XRRA1: variants seen among roughly 807,000 people sequenced by gnomAD.
XRRA1 encodes the protein X-ray radiation resistance associated 1, also known as X-ray radiation resistance-associated protein 1.
In XRRA1, 69 loss-of-function variants were observed where a neutral mutation model predicts 80.2. The observed-to-expected ratio is 0.86, with a 90% confidence interval of 0.71 to 1.05. The LOEUF (loss-of-function observed/expected upper bound fraction) is 1.05, where lower values mean the gene tolerates loss of function less well. XRRA1 is among the 50% of genes least tolerant of loss of function. The pLI is 0.00. For missense variants in XRRA1, 967 were observed against 976.4 expected, an observed-to-expected ratio of 0.99 and a Z score of 0.13; for synonymous variants, 348 against 389.9, an observed-to-expected ratio of 0.89 and a Z score of 1.27.
chr11:74,857,300 A>G (rs2041334569), intron 12 of XRRA1, among the ~76,000 whole-genome samples: 1 of 152,230 alleles, frequency 6.6e-6, no homozygotes. Context: ...GTAAATGGAC[A>G]GAAAGAGATA....
At chr11:74,947,819 G>A (rs376689546) in intron 1 of XRRA1, among the ~76,000 whole-genome samples, 3 of 151,928 alleles carry the variant, frequency 2.0e-5, no homozygotes, top group South Asian at 4.2e-4. Context: ...CCGCCTCCCC[G>A]GTTCAAGCAA....
chr11:74,891,519 C>T (rs1407271789), intron 10 of XRRA1, among the ~76,000 whole-genome samples: 1 of 152,220 alleles, frequency 6.6e-6, no homozygotes, highest in Non-Finnish European at 1.5e-5. Context: ...TCTCTCACCA[C>T]TCCTATTCAA....
intron 10 of XRRA1, among the ~76,000 whole-genome samples, chr11:74,895,125 T>C (rs2051934734): frequency 6.6e-6 from 1 of 152,220 alleles, no homozygotes; most frequent in Non-Finnish European, 1.5e-5. Context: ...TTACAGTAAC[T>C]GGTTTTAACT....
At chr11:74,901,763 A>C (rs537252030) in intron 10 of XRRA1, among the ~76,000 whole-genome samples, 1 of 152,222 alleles carries the variant, frequency 6.6e-6, no homozygotes, top group Admixed American at 6.5e-5. Flanking sequence ...ACTTGACTCC[A>C]TCTCTTGCCT....
chr11:74,865,717 C>A (rs927397041), intron 10 of XRRA1, among the ~76,000 whole-genome samples: 9 of 152,228 alleles, frequency 5.9e-5, no homozygotes, highest in African/African-American at 2.2e-4. Flanking sequence ...AATTCAGTCC[C>A]TCTGGCTACA....
Position 74,843,162 on chromosome 11 carries a change from C to T in XRRA1, c.*38G>A. The T allele has an allele frequency of 6.6e-7, 1 of 1,524,154 alleles. No individual in the cohort carries two copies. The highest frequency in any genetic ancestry group is 8.8e-7 in the Non-Finnish European group (1 of 1,131,388). 94.4% of individuals were successfully genotyped at this position (1,524,154 alleles called of 1,614,324 possible). ...ACAGAGCCCTCGGGGAGAGCTGGGG[C>T]ACAGGCCGGGTGGTGCACACAGCCC... On this transcript the variant is annotated 3_prime_UTR_variant, in exon 19 of 19. Coordinates refer to ENST00000684022, the MANE Select transcript of XRRA1 (RefSeq NM_001378157.1).
At chr11:74,854,807 C>T (rs913946483) in intron 12 of XRRA1, among the ~76,000 whole-genome samples, 4 of 152,034 alleles carry the variant, frequency 2.6e-5, no homozygotes, top group African/African-American at 9.7e-5. Context: ...ATCACAAGGT[C>T]AGGAGTTTGA....
intron 10 of XRRA1, among the ~76,000 whole-genome samples, chr11:74,874,233 C>CAAAAAAAAAAAAAAAA (rs367875228): frequency 4.1e-5 from 2 of 48,292 alleles, no homozygotes; most frequent in Non-Finnish European, 7.3e-5. Flanking sequence ...GACTCCGTCT[C>CAAAAAAAAAAAAAAAA]AAAAAAAAAA....
chr11:74,926,789 C>T (rs565743067), intron 7 of XRRA1, among the ~76,000 whole-genome samples: 3 of 152,178 alleles, frequency 2.0e-5, no homozygotes, highest in African/African-American at 4.8e-5. Flanking sequence ...TTCTAATTTG[C>T]GGTTTGAAGA....
At chr11:74,901,541 T>C (rs1468586922) in intron 10 of XRRA1, among the ~76,000 whole-genome samples, 1 of 152,300 alleles carries the variant, frequency 6.6e-6, no homozygotes, top group African/African-American at 2.4e-5. Flanking sequence ...CTTCAAATTA[T>C]ACTATAAAGC....
chr11:74,901,263 A>G (rs1420305844), intron 10 of XRRA1, among the ~76,000 whole-genome samples: 1 of 152,232 alleles, frequency 6.6e-6, no homozygotes, highest in Admixed American at 6.5e-5. Context: ...AATAAAAACT[A>G]TAAAACACCA....
At chr11:74,866,028 A>G (rs2043317697) in intron 10 of XRRA1, among the ~76,000 whole-genome samples, 1 of 152,232 alleles carries the variant, frequency 6.6e-6, no homozygotes, top group Non-Finnish European at 1.5e-5. Flanking sequence ...GAAGAAGGAC[A>G]GGCACACACA....
chr11:74,867,346 G>A (rs908786631), intron 10 of XRRA1, among the ~76,000 whole-genome samples: 1 of 152,044 alleles, frequency 6.6e-6, no homozygotes, highest in Admixed American at 6.6e-5. Context: ...AAATAATATG[G>A]GAGATGAAAG....
At chr11:74,933,597 G>A (rs1944186179) in intron 5 of XRRA1, 1 of 543,530 alleles carries the variant, frequency 1.8e-6, no homozygotes, top group East Asian at 3.1e-5. Context: ...TAGGACAAGG[G>A]CAATATAAAA....
Position 74,890,633 on chromosome 11 carries a change from C to A in XRRA1, c.1003+15606G>T, listed in dbSNP as rs1027337733. Among the ~76,000 whole-genome samples, 5 of 151,950 alleles carry A rather than the reference C, an allele frequency of 3.3e-5. 1 individual carries two copies. The highest frequency in any genetic ancestry group is 2.0e-4 in the Admixed American group (3 of 15,262). On this transcript the variant is annotated intron_variant, in intron 10 of 18. Coordinates refer to ENST00000684022, the MANE Select transcript of XRRA1 (RefSeq NM_001378157.1). ...CCAGGAGCTGGTGTTTTGAAAAGAT[C>A]AACAAAATTGATAGACCGCTAGCAA...
At chr11:74,863,832 G>A (rs2136002927) in intron 10 of XRRA1, 1 of 152,292 alleles carries the variant, frequency 6.6e-6, no homozygotes, top group South Asian at 2.1e-4. Context: ...GGGAGTTTGG[G>A]AAAGCTTTGT....
chr11:74,865,547 C>T (rs1467953098), intron 10 of XRRA1, among the ~76,000 whole-genome samples: 2 of 152,174 alleles, frequency 1.3e-5, no homozygotes, highest in East Asian at 1.9e-4. Flanking sequence ...CTCCATCCCA[C>T]GGCAGATCCC....
intron 10 of XRRA1, among the ~76,000 whole-genome samples, chr11:74,896,996 A>G (rs773494213): frequency 1.4e-4 from 21 of 152,166 alleles, no homozygotes; most frequent in Non-Finnish European, 2.6e-4. Flanking sequence ...ATGATCCAGG[A>G]AAACATGACC....
rs754380921 is a variant in XRRA1, at chr11:74,841,460, ATCAG to A, written c.*1736_*1739del. 4 of 152,182 alleles carry A rather than the reference ATCAG, an allele frequency of 2.6e-5. No homozygotes were observed. Among genetic ancestry groups the A allele is most frequent in the African/African-American group, 9.7e-5 (4 of 41,436 alleles). 9.4% of individuals were successfully genotyped at this position (152,182 alleles called of 1,614,324 possible). A position where few individuals can be genotyped will look rare whatever the true frequency, so the allele number is the denominator to read the frequency against. On this transcript the variant is annotated 3_prime_UTR_variant, in exon 19 of 19. Coordinates refer to ENST00000684022, the MANE Select transcript of XRRA1 (RefSeq NM_001378157.1). ...ATATGCAAGGGTCACCAGTTTAGAG[ATCAG>A]TCAAATTGGAAAAAGTGCCAAGACT... is the stretch of plus-strand genomic sequence containing the variant.
Sources: gnomAD v4.1 joint callset for allele counts (sites outside exome capture counted in the v4.1 genomes callset) on GRCh38, gnomAD v4.1.1 for gene constraint, MANE v1.5 for transcripts, NCBI Gene and HGNC (gene_info 2026-07-23, HGNC 2026-07-21) for gene names.